The following FSD1L variants were observed in gnomAD, a reference collection of about 807,000 sequenced individuals.
The protein encoded by FSD1L is fibronectin type III and SPRY domain containing 1 like.
FSD1L carries 45 observed loss-of-function variants against 71.6 expected under a neutral mutation model. That is an observed-to-expected ratio of 0.63 (90% CI 0.49 to 0.81). The LOEUF (loss-of-function observed/expected upper bound fraction) is 0.81, where lower values mean the gene tolerates loss of function less well. Ranked by LOEUF, FSD1L falls within the 30% of genes least tolerant of loss-of-function variation. The pLI, the probability that FSD1L is intolerant of heterozygous loss-of-function variation, is 0.00. For synonymous variants in FSD1L, 197 were observed against 207.2 expected (o/e 0.95, Z 0.42); for missense variants, 561 against 618.1 (o/e 0.91, Z 0.98).
intron 1 of FSD1L, among the ~76,000 whole-genome samples, chr9:105,460,875 G>A (rs896466188): frequency 3.3e-5 from 5 of 152,128 alleles, no homozygotes; most frequent in Admixed American, 1.3e-4. Context: ...TTCTGTTATG[G>A]TATTGGACCC....
intron 7 of FSD1L, among the ~76,000 whole-genome samples, chr9:105,496,302 C>G (rs1833401881): frequency 6.7e-6 from 1 of 149,322 alleles, no homozygotes. Context: ...GCCTCCCGTA[C>G]TATGTCTGAG....
chr9:105,525,550 C>T, intron 10 of FSD1L: 4 of 1,611,808 alleles, frequency 2.5e-6, no homozygotes, highest in Non-Finnish European at 3.4e-6. Context: ...TTGCAGATTG[C>T]TTCTTAGTAT....
At position 105,549,306 on chromosome 9, in the gene FSD1L, C is replaced by T. The variant is rs1837171657; in HGVS notation, c.*2823C>T. ...TAAGCTGGATATCGAAATGAAGGAGCTGCCTTAAGCACTTTAGAAAAAGAA... is the reference window on the plus strand; with the variant it reads ...TAAGCTGGATATCGAAATGAAGGAGTTGCCTTAAGCACTTTAGAAAAAGAA... On this transcript the variant is annotated 3_prime_UTR_variant, in exon 14 of 14. Coordinates refer to ENST00000481272, the MANE Select transcript of FSD1L (RefSeq NM_001145313.3). 6.6e-6 allele frequency: 1 copy of T among 152,042 alleles called. No individual in the cohort carries two copies. The highest frequency in any genetic ancestry group is 1.5e-5 in the Non-Finnish European group (1 of 67,960). The allele number at this position is 152,042 out of a possible 1,614,324, so 9.4% of individuals were successfully genotyped here.
At chr9:105,466,859 C>T (rs1243717764) in intron 3 of FSD1L, among the ~76,000 whole-genome samples, 1 of 152,006 alleles carries the variant, frequency 6.6e-6, no homozygotes. Context: ...TTATGTAGAG[C>T]TAGCTCAAAC....
chr9:105,484,571 GA>G (rs1338420558), intron 7 of FSD1L, 69 bp downstream of exon 7: 1 of 1,068,616 alleles, frequency 9.4e-7, no homozygotes, highest in Non-Finnish European at 1.3e-6. Flanking sequence ...TTTTTGCAGT[GA>G]ACATTGGTTT....
chr9:105,502,860 G>T (rs558765802), intron 7 of FSD1L, among the ~76,000 whole-genome samples: 3 of 148,650 alleles, frequency 2.0e-5, no homozygotes, highest in African/African-American at 7.4e-5. Flanking sequence ...GAGGAGTTTC[G>T]TCCAGAAGGA....
intron 10 of FSD1L, chr9:105,530,488 ATTTC>A (rs1165987985): frequency 4.8e-6 from 3 of 624,540 alleles, no homozygotes; most frequent in Non-Finnish European, 8.5e-6. Context: ...GCTTCCCTTT[ATTTC>A]TTTACTACTG....
At position 105,506,585 on chromosome 9, in the gene FSD1L, A is replaced by C; in HGVS notation, c.773A>C (p.Lys258Thr). The change falls in exon 8 of 14, where the codon AAG (lysine) becomes ACG (threonine). Residue 258 changes from lysine to threonine, a missense_variant. Lys to Thr is a moderately conservative substitution (Grantham distance 78, BLOSUM62 -1). Transcript: ENST00000481272. ...TGCTGGGAGATAATTGATAATATTA[A>C]GGGTACTGAATATACACTATCAGGT... ...ERCWEIIDNI[K>T]GTEYTLSGLK... 6.5e-7 allele frequency: 1 copy of C among 1,549,298 alleles called. No individual in the cohort carries two copies. The highest frequency in any genetic ancestry group is 8.7e-7 in the Non-Finnish European group (1 of 1,144,978).
chr9:105,530,099 T>A (rs781262487), intron 10 of FSD1L, among the ~76,000 whole-genome samples: 1 of 152,200 alleles, frequency 6.6e-6, no homozygotes, highest in Non-Finnish European at 1.5e-5. Context: ...CTAAGTCGTT[T>A]GTAAGTAGTA....
At chr9:105,489,205 C>T (rs111878904) in intron 7 of FSD1L, among the ~76,000 whole-genome samples, 1,623 of 152,172 alleles carry the variant, frequency 0.011, 33 homozygotes, top group African/African-American at 0.038. Context: ...GCCAATCCTC[C>T]CACCTATTAG....
At chr9:105,499,672 C>T (rs1341829823) in intron 7 of FSD1L, among the ~76,000 whole-genome samples, 1 of 151,210 alleles carries the variant, frequency 6.6e-6, no homozygotes, top group Non-Finnish European at 1.5e-5. Context: ...TGGCAGGGAG[C>T]ATTTATTTTG....
chr9:105,515,819 G>A (rs746112902), intron 10 of FSD1L, among the ~76,000 whole-genome samples: 5 of 150,090 alleles, frequency 3.3e-5, no homozygotes, highest in East Asian at 1.9e-4. Context: ...CTCCAGTGGC[G>A]CCTGGAACAC....
At position 105,547,056 on chromosome 9, in the gene FSD1L, A is replaced by T. The variant is rs1447220380; in HGVS notation, c.*573A>T. 1 of 152,124 alleles carries T rather than the reference A, an allele frequency of 6.6e-6. No individual in the cohort carries two copies. Among genetic ancestry groups the T allele is most frequent in the Non-Finnish European group, 1.5e-5 (1 of 67,966 alleles). The allele number at this position is 152,124 out of a possible 1,614,324, so 9.4% of individuals were successfully genotyped here. Reference sequence around the variant, plus strand: ...CTTTTGTTTATTGACTAGATTGTATATAATTTTCTTTTTTCCAAAATATTG... The same window carrying T: ...CTTTTGTTTATTGACTAGATTGTATTTAATTTTCTTTTTTCCAAAATATTG... On this transcript the variant is annotated 3_prime_UTR_variant, in exon 14 of 14. Coordinates refer to ENST00000481272, the MANE Select transcript of FSD1L (RefSeq NM_001145313.3).
chr9:105,495,755 T>A (rs1345034958), intron 7 of FSD1L, among the ~76,000 whole-genome samples: 1 of 152,150 alleles, frequency 6.6e-6, no homozygotes, highest in Non-Finnish European at 1.5e-5. Flanking sequence ...GGCGGGCAGA[T>A]CACAAGGTCA....
At chr9:105,525,946 C>T (rs1835479448) in intron 10 of FSD1L, 11 of 1,567,692 alleles carry the variant, frequency 7.0e-6, no homozygotes, top group Non-Finnish European at 8.8e-6. Context: ...AAAATTGAGA[C>T]ATTTGGGAAA....
At chr9:105,457,957 G>A (rs972390331) in intron 1 of FSD1L, among the ~76,000 whole-genome samples, 2 of 152,250 alleles carry the variant, frequency 1.3e-5, no homozygotes, top group Non-Finnish European at 2.9e-5. Context: ...GAACACAGTG[G>A]TGCCTGAAAA....
At chr9:105,524,836 T>C (rs1835408882) in intron 10 of FSD1L, 1 of 1,591,214 alleles carries the variant, frequency 6.3e-7, no homozygotes. Context: ...GGTCCTGCTA[T>C]GCTAACAAGT....
Position 105,498,301 on chromosome 9 carries a change from G to A in FSD1L, c.587-8098G>A, listed in dbSNP as rs1833550220. ...TTTCTAATATAATCATTTGTCAGTG[G>A]TGGGGATACATTCTAAGAAATGTGA... On this transcript the variant is annotated intron_variant, in intron 7 of 13. Transcript: ENST00000481272. 2.0e-5 allele frequency among the ~76,000 whole-genome samples: 3 copies of A among 151,514 alleles called. No individual in the cohort carries two copies. The South Asian group carries it at 6.2e-4, about 32-fold the overall frequency.
chr9:105,470,488 G>C (rs1184676854), intron 4 of FSD1L, among the ~76,000 whole-genome samples: 1 of 152,052 alleles, frequency 6.6e-6, no homozygotes, highest in Non-Finnish European at 1.5e-5. Context: ...TTATTTCAAA[G>C]TATGCTGTTC....
Sources: gnomAD v4.1 joint callset for allele counts (sites outside exome capture counted in the v4.1 genomes callset) on GRCh38, gnomAD v4.1.1 for gene constraint, MANE v1.5 for transcripts, NCBI Gene and HGNC (gene_info 2026-07-23, HGNC 2026-07-21) for gene names.